Variants in ECSIT observed in about 807,000 individuals in gnomAD.
The protein encoded by ECSIT is evolutionarily conserved signaling intermediate in Toll pathway, mitochondrial.
Under a neutral mutation model 36.8 loss-of-function variants are expected in ECSIT, and 29 were observed. That is an observed-to-expected ratio of 0.79 (90% CI 0.59 to 1.08). The LOEUF is 1.08. Among genes scored for constraint, ECSIT ranks in the 50% least tolerant of loss-of-function variants. The probability of loss-of-function intolerance (pLI) is 0.00; values close to 1 mark genes in which losing one functional copy is unlikely to be tolerated. For synonymous variants in ECSIT, 231 were observed against 234.8 expected (o/e 0.98, Z 0.15); for missense variants, 542 against 581.0 (o/e 0.93, Z 0.69).
Position 11,519,191 on chromosome 19 carries a change from CA to C in ECSIT, c.-22del. On this transcript the variant is annotated splice_region_variant and 5_prime_UTR_variant, in exon 2 of 8. Transcript: ENST00000270517. The surrounding 1 kb of genome is among the most constrained non-coding windows in gnomAD (Gnocchi z 4.4). ...CTCATGCCTCTGCTTGTCAGACAAT[CA>C]CCTGGCCCAAAAGAAGATTCAGCAT... 1 of 1,541,494 alleles carries C rather than the reference CA, an allele frequency of 6.5e-7. No individual in the cohort carries two copies. The highest frequency in any genetic ancestry group is 1.2e-5 in the South Asian group (1 of 83,824).
At chr19:11,515,135 G>A (rs1424929415) in intron 2 of ECSIT, among the ~76,000 whole-genome samples, 10 of 135,384 alleles carry the variant, frequency 7.4e-5, no homozygotes, top group East Asian at 2.1e-4. Flanking sequence ...ACAGAGTCTC[G>A]CTTTGTCACC....
At chr19:11,512,770 G>GA (rs200946247) in intron 4 of ECSIT, among the ~76,000 whole-genome samples, 2,079 of 144,232 alleles carry the variant, frequency 0.014, 36 homozygotes, top group African/African-American at 0.042. Flanking sequence ...CCCTGTCTCT[G>GA]AAAAAAAAAA....
chr19:11,506,217 G>C lies in ECSIT; in HGVS notation c.1263C>G (p.Asp421Glu), dbSNP rs755090377. The C allele has an allele frequency of 3.1e-6, 5 of 1,607,808 alleles. No individual in the cohort carries two copies. The highest frequency in any genetic ancestry group is 3.4e-6 in the Non-Finnish European group (4 of 1,179,930). ...GGCCCTGCTGCTGTCGCTGCAGGTT[G>C]TCGTCTTCTTCCTGGTGGTCCTCGG... is the stretch of plus-strand genomic sequence containing the variant. ...PLPEDHQEED[D>E]NLQRQQQGQS Residue 421 changes from aspartate (D) to glutamate (E), a missense_variant, in exon 8 of 8, where the codon GAC becomes GAG. By Grantham distance (45) the Asp-to-Glu change is conservative. Transcript: ENST00000270517.
rs1448665336 is a variant in ECSIT, at chr19:11,519,810, A to G, written c.-23-617T>C. On this transcript the variant is annotated intron_variant, in intron 1 of 7. Coordinates refer to ENST00000270517, the MANE Select transcript of ECSIT (RefSeq NM_016581.5). The surrounding 1 kb of genome is among the most constrained non-coding windows in gnomAD (Gnocchi z 4.4). ...TGGAGAAACCCCATCGCTACTAAAAATACAAAAAATTAGCCGAGCATGGTG... is the reference window on the plus strand; with the variant it reads ...TGGAGAAACCCCATCGCTACTAAAAGTACAAAAAATTAGCCGAGCATGGTG... 6.5e-6 allele frequency: 1 copy of G among 152,710 alleles called. No homozygotes were observed. The allele number at this position is 152,710 out of a possible 1,614,324, so 9.5% of individuals were successfully genotyped here. A position where few individuals can be genotyped will look rare whatever the true frequency, so the allele number is the denominator to read the frequency against.
At chr19:11,515,382 A>G (rs12609372) in intron 2 of ECSIT, among the ~76,000 whole-genome samples, 17,782 of 151,906 alleles carry the variant, frequency 0.12, 2,078 homozygotes, top group African/African-American at 0.3. Flanking sequence ...GATTACAGGC[A>G]TGAGCCACCG....
intron 1 of ECSIT, chr19:11,522,535 T>C: frequency 1.3e-6 from 1 of 747,218 alleles, no homozygotes; most frequent in Non-Finnish European, 2.2e-6. Flanking sequence ...CCACGTAAAC[T>C]CAGGAACGCC....
In ECSIT at chr19:11,519,708, C is replaced by T. The variant is rs1972063444; in HGVS notation, c.-23-515G>A. The T allele has an allele frequency of 6.2e-6, 1 of 160,496 alleles. No homozygotes were observed. The highest frequency in any genetic ancestry group is 6.0e-5 in the Admixed American group (1 of 16,700). 9.9% of individuals were successfully genotyped at this position (160,496 alleles called of 1,614,324 possible). ...CCTGGCCAGGCGCGGTGGCTCACGCCTGTAATCACAACATTCTGGGAGGCT... is the reference window on the plus strand; with the variant it reads ...CCTGGCCAGGCGCGGTGGCTCACGCTTGTAATCACAACATTCTGGGAGGCT... On this transcript the variant is annotated intron_variant, in intron 1 of 7. Transcript: ENST00000270517. This position sits in a 1 kb window ranked among gnomAD's most constrained non-coding sequence, Gnocchi z 4.4.
rs1446281502 is a variant in ECSIT at position 11,506,271 on chromosome 19, G to A, written c.1209C>T (p.Ser403=). The part of the protein sequence containing the change: ...LAGSTRELQT[S]SAGLEEPPLP... ...GGGGCGGCTCCTCCAGCCCTGCAGA[G>A]GATGTCTGGAGCTCCCGGGTGGACC... The change falls in exon 8 of 8, where the codon TCC becomes TCT. Residue 403 remains serine, a synonymous_variant. Coordinates refer to ENST00000270517, the MANE Select transcript of ECSIT (RefSeq NM_016581.5). The A allele has an allele frequency of 1.2e-6, 2 of 1,611,924 alleles. No individual in the cohort carries two copies. Among genetic ancestry groups the A allele is most frequent in the Admixed American group, 1.7e-5 (1 of 60,008 alleles).
chr19:11,508,124 G>C lies in ECSIT; in HGVS notation c.739-76C>G. On this transcript the variant is annotated intron_variant, in intron 4 of 7. Transcript: ENST00000270517. Reference sequence around the variant, plus strand: ...GGAACTGGGGACAGAGAAACAGAAAGGGGGATACCAGGGAATTCAGGACAC... The same window carrying C: ...GGAACTGGGGACAGAGAAACAGAAACGGGGATACCAGGGAATTCAGGACAC... 2.6e-6 allele frequency: 4 copies of C among 1,564,668 alleles called. No homozygotes were observed. The South Asian group carries it at 4.4e-5, about 17-fold the overall frequency.
Position 11,514,082 on chromosome 19 carries a change from G to A in ECSIT, c.236C>T (p.Ala79Val), listed in dbSNP as rs773846640. 3.8e-5 allele frequency: 62 copies of A among 1,614,130 alleles called. No individual in the cohort carries two copies. Among genetic ancestry groups the A allele is most frequent in the East Asian group, 6.7e-5 (3 of 44,884 alleles). Residue 79 changes from alanine (A) to valine (V), a missense_variant, in exon 3 of 8, where the codon GCG (alanine) becomes GTG (valine). By Grantham distance (64) the Ala-to-Val change is moderately conservative. Coordinates refer to ENST00000270517, the MANE Select transcript of ECSIT (RefSeq NM_016581.5). ...CGCCTTGTCCCGTTCCCCACCAGGC[G>A]CCTGCCCAAACAGGTCCTCAAAGGG... Reference protein sequence around the residue: ...LVPFEDLFGQAPGGERDKASF... With the variant: ...LVPFEDLFGQVPGGERDKASF...
intron 2 of ECSIT, among the ~76,000 whole-genome samples, chr19:11,515,373 A>G (rs1376521294): frequency 6.6e-6 from 1 of 151,898 alleles, no homozygotes; most frequent in African/African-American, 2.4e-5. Flanking sequence ...AAGTGCTGGG[A>G]TTACAGGCAT....
intron 2 of ECSIT, among the ~76,000 whole-genome samples, chr19:11,514,747 G>A (rs1971955282): frequency 6.6e-6 from 1 of 151,912 alleles, no homozygotes; most frequent in African/African-American, 2.4e-5. Context: ...GGTCTTGAAC[G>A]CCTGGCTTCA....
intron 7 of ECSIT, among the ~76,000 whole-genome samples, chr19:11,507,157 G>C (rs997756704): frequency 2.0e-5 from 3 of 152,158 alleles, no homozygotes; most frequent in Non-Finnish European, 4.4e-5. Context: ...GAGTGTGTGC[G>C]GCCGGAGGAC....
chr19:11,516,785 A>G (rs1280436663), intron 2 of ECSIT, among the ~76,000 whole-genome samples: 5 of 152,030 alleles, frequency 3.3e-5, no homozygotes, highest in African/African-American at 4.8e-5. Flanking sequence ...TGGGAGGCTG[A>G]GGCGGGCAGA....
intron 2 of ECSIT, among the ~76,000 whole-genome samples, chr19:11,518,793 G>C (rs1301107698): frequency 6.6e-6 from 1 of 152,078 alleles, no homozygotes; most frequent in Non-Finnish European, 1.5e-5. Context: ...TGGGTACTTG[G>C]GAGGATGAGG....
chr19:11,513,549 G>A (rs540382032), intron 3 of ECSIT, among the ~76,000 whole-genome samples: 2 of 142,838 alleles, frequency 1.4e-5, no homozygotes, highest in East Asian at 4.3e-4. Flanking sequence ...AGGAAGGAAG[G>A]GAGGGAGAGA....
chr19:11,514,941 C>T (rs567524342), intron 2 of ECSIT, among the ~76,000 whole-genome samples: 1 of 151,574 alleles, frequency 6.6e-6, no homozygotes, highest in South Asian at 2.1e-4. Flanking sequence ...CATGTTCAAG[C>T]GATTCTCATG....
In ECSIT at chr19:11,515,294, G is replaced by A. The variant is rs910313186; in HGVS notation, c.97-1073C>T. On this transcript the variant is annotated intron_variant, in intron 2 of 7. Coordinates refer to ENST00000270517, the MANE Select transcript of ECSIT (RefSeq NM_016581.5). ...AATTTTTTGGATTTTTAGTAGAGAC[G>A]GGGTTTCACTGTGTTAGTCAGGATG... Among the ~76,000 whole-genome samples the A allele has an allele frequency of 8.0e-5, 12 of 149,112 alleles. No homozygotes were observed. The South Asian group carries it at 8.6e-4, about 11-fold the overall frequency.
Position 11,522,809 on chromosome 19 carries a change from G to A in ECSIT, c.-23-3616C>T, listed in dbSNP as rs948267033. 2.6e-5 allele frequency among the ~76,000 whole-genome samples: 4 copies of A among 152,176 alleles called. No homozygotes were observed. In the East Asian group the frequency reaches 5.8e-4, roughly 22 times the overall value. ...AAAAAGGTCGGGCACGGTGGCTCAC[G>A]CCTGTAATCCCAGCACTTTGGGAGG... On this transcript the variant is annotated intron_variant, in intron 1 of 7. Coordinates refer to ENST00000270517, the MANE Select transcript of ECSIT (RefSeq NM_016581.5).
Sources: gnomAD v4.1 joint callset for allele counts (sites outside exome capture counted in the v4.1 genomes callset) on GRCh38, gnomAD v4.1.1 for gene constraint, Gnocchi (gnomAD v3.1) non-coding constraint, MANE v1.5 for transcripts, NCBI Gene and HGNC (gene_info 2026-07-23, HGNC 2026-07-21) for gene names.